GRM8: variants seen among roughly 807,000 people sequenced by gnomAD.
GRM8 encodes the protein metabotropic glutamate receptor 8.
Under a neutral mutation model 87.2 loss-of-function variants are expected in GRM8, and 47 were observed. The observed-to-expected ratio is 0.54, with a 90% confidence interval of 0.43 to 0.69. The LOEUF (loss-of-function observed/expected upper bound fraction) is 0.69, where lower values mean the gene tolerates loss of function less well. Among genes scored for constraint, GRM8 ranks in the 30% least tolerant of loss-of-function variants. GRM8 has a pLI of 0.00. For missense variants in GRM8, 1,019 were observed against 1,139.2 expected (o/e 0.89, Z 1.52); for synonymous variants, 396 against 404.5 (o/e 0.98, Z 0.25).
chr7:126,539,918 C>T (rs1816340331), intron 8 of GRM8, among the ~76,000 whole-genome samples: 1 of 151,726 alleles, frequency 6.6e-6, no homozygotes, highest in South Asian at 2.1e-4. Flanking sequence ...ACACCAAAAG[C>T]AGAAGCAACA....
rs1196226224 is a variant in GRM8 at position 126,727,730 on chromosome 7, CA to C, written c.1357+42134del. Among the ~76,000 whole-genome samples, 28 of 151,634 alleles carry C rather than the reference CA, an allele frequency of 1.8e-4. 2 individuals carry two copies. In the East Asian group the frequency reaches 3.5e-3, roughly 19 times the overall value. On this transcript the variant is annotated intron_variant, in intron 7 of 10. Coordinates refer to ENST00000339582, the MANE Select transcript of GRM8 (RefSeq NM_000845.3). ...ACACACACACACACACACACACACA[CA>C]CACACACACCCCTAAAAAAACAAAA... is the stretch of plus-strand genomic sequence containing the variant.
At chr7:127,223,999 T>A in intron 2 of GRM8, among the ~76,000 whole-genome samples, 1 of 142,374 alleles carries the variant, frequency 7.0e-6, no homozygotes. Context: ...AACTTACAGA[T>A]AAAACAATTA....
intron 7 of GRM8, among the ~76,000 whole-genome samples, chr7:126,679,973 G>A (rs1462879695): frequency 6.6e-6 from 1 of 151,914 alleles, no homozygotes; most frequent in East Asian, 1.9e-4. Flanking sequence ...GGAGGTTGCA[G>A]TGAGCCAAGA....
At chr7:127,212,480 G>C (rs925393035) in intron 2 of GRM8, among the ~76,000 whole-genome samples, 1 of 147,002 alleles carries the variant, frequency 6.8e-6, no homozygotes, top group Non-Finnish European at 1.5e-5. Context: ...TGCAGTGGCG[G>C]GATCTCGGCT....
At chr7:126,671,269 C>T (rs1806356249) in intron 7 of GRM8, among the ~76,000 whole-genome samples, 1 of 152,294 alleles carries the variant, frequency 6.6e-6, no homozygotes, top group South Asian at 2.1e-4. Flanking sequence ...GGGTATTTGA[C>T]AATACAAACC....
chr7:126,832,658 G>A (rs1795503866), intron 6 of GRM8, among the ~76,000 whole-genome samples: 1 of 152,172 alleles, frequency 6.6e-6, no homozygotes, highest in African/African-American at 2.4e-5. Context: ...AAAGGGATGA[G>A]AGAGTAGCTG....
intron 6 of GRM8, among the ~76,000 whole-genome samples, chr7:126,804,336 G>T (rs1792428710): frequency 6.6e-6 from 1 of 152,208 alleles, no homozygotes; most frequent in African/African-American, 2.4e-5. Context: ...ATACTGAAAT[G>T]ACTGCACACA....
intron 3 of GRM8, among the ~76,000 whole-genome samples, chr7:126,918,971 T>C (rs1336280013): frequency 6.6e-6 from 1 of 152,190 alleles, no homozygotes; most frequent in Non-Finnish European, 1.5e-5. Flanking sequence ...TTCCACAATT[T>C]CCATTCATGC....
At chr7:126,602,984 CA>C (rs1400537169) in intron 8 of GRM8, among the ~76,000 whole-genome samples, 2 of 144,590 alleles carry the variant, frequency 1.4e-5, no homozygotes, top group East Asian at 4.2e-4. Flanking sequence ...CAAAAATCCT[CA>C]ATAAAATACT....
intron 3 of GRM8, among the ~76,000 whole-genome samples, chr7:127,101,419 G>A (rs1489260081): frequency 6.6e-6 from 1 of 152,134 alleles, no homozygotes; most frequent in African/African-American, 2.4e-5. Context: ...GCTGAAGGTG[G>A]GGCCTGGTGA....
chr7:126,832,024 T>C (rs746560746), intron 6 of GRM8, among the ~76,000 whole-genome samples: 1 of 152,082 alleles, frequency 6.6e-6, no homozygotes, highest in African/African-American at 2.4e-5. Flanking sequence ...AAGTGCAGAC[T>C]TATATAACTG....
At chr7:126,898,895 C>A (rs1801799254) in intron 6 of GRM8, among the ~76,000 whole-genome samples, 1 of 152,068 alleles carries the variant, frequency 6.6e-6, no homozygotes, top group Non-Finnish European at 1.5e-5. Flanking sequence ...GCCCCGCATG[C>A]ATTAGGTATT....
intron 6 of GRM8, among the ~76,000 whole-genome samples, chr7:126,884,443 A>G (rs1800302062): frequency 6.6e-6 from 1 of 152,024 alleles, no homozygotes; most frequent in Admixed American, 6.6e-5. Flanking sequence ...GCTTAAATAA[A>G]CTCTTTCATC....
intron 3 of GRM8, among the ~76,000 whole-genome samples, chr7:126,976,816 G>A (rs1154333): frequency 6.6e-6 from 1 of 151,868 alleles, no homozygotes; most frequent in Non-Finnish European, 1.5e-5. Context: ...TCGACTTGAA[G>A]GAGAAGGAAG....
intron 2 of GRM8, among the ~76,000 whole-genome samples, chr7:127,184,679 G>A (rs920863986): frequency 6.6e-6 from 1 of 151,886 alleles, no homozygotes; most frequent in Non-Finnish European, 1.5e-5. Context: ...TACAGATTGG[G>A]GAGGACAAAA....
intron 7 of GRM8, among the ~76,000 whole-genome samples, chr7:126,657,834 G>A (rs910871785): frequency 6.6e-6 from 1 of 152,354 alleles, no homozygotes; most frequent in African/African-American, 2.4e-5. Flanking sequence ...AGGAGCCTCC[G>A]CTGAGTGATT....
chr7:126,682,149 C>T (rs1807661166), intron 7 of GRM8, among the ~76,000 whole-genome samples: 1 of 152,322 alleles, frequency 6.6e-6, no homozygotes. Context: ...CGTATAAATG[C>T]TTATACACGT....
chr7:127,150,729 A>G (rs1379191630), intron 2 of GRM8, among the ~76,000 whole-genome samples: 4 of 152,058 alleles, frequency 2.6e-5, no homozygotes, highest in East Asian at 1.9e-4. Context: ...CTCAACCTCT[A>G]TGCTCTACTG....
intron 2 of GRM8, among the ~76,000 whole-genome samples, chr7:127,120,499 A>ACTGAAATTCAGTAGG (rs1464841543): frequency 6.6e-6 from 1 of 152,130 alleles, no homozygotes; most frequent in East Asian, 1.9e-4. Flanking sequence ...TTCAGGCCCC[A>ACTGAAATTCAGTAGG]CCCCAGACCT....
Sources: allele counts gnomAD v4.1 joint callset (sites outside exome capture counted in the v4.1 genomes callset), GRCh38; gene constraint gnomAD v4.1.1; transcripts MANE v1.5; gene names NCBI Gene and HGNC (gene_info 2026-07-23, HGNC 2026-07-21).